The following ST18 variants were observed in gnomAD, a reference collection of about 807,000 sequenced individuals.
ST18 encodes the protein suppression of tumorigenicity 18 protein.
Under a neutral mutation model 110.0 loss-of-function variants are expected in ST18, and 50 were observed. The ratio of observed to expected loss-of-function variants is 0.45; its 90% CI spans 0.36 to 0.58. ST18 has a LOEUF of 0.58. Ranked by LOEUF, ST18 falls within the 20% of genes least tolerant of loss-of-function variation. The probability of loss-of-function intolerance (pLI) is 0.00; values close to 1 mark genes in which losing one functional copy is unlikely to be tolerated. For missense variants in ST18, 1,306 were observed against 1,280.1 expected, an observed-to-expected ratio of 1.02 and a Z score of -0.31; for synonymous variants, 461 against 452.4, an observed-to-expected ratio of 1.02 and a Z score of -0.24.
At chr8:52,323,824 A>G (rs1008780618) in intron 2 of ST18, among the ~76,000 whole-genome samples, 2 of 152,118 alleles carry the variant, frequency 1.3e-5, no homozygotes, top group African/African-American at 2.4e-5. Flanking sequence ...TCACTTTTCC[A>G]AACAGAGAAT....
chr8:52,406,649 T>G (rs1844619139), intron 2 of ST18: 1 of 152,260 alleles, frequency 6.6e-6, no homozygotes, highest in African/African-American at 2.4e-5. Flanking sequence ...AACATCCAAG[T>G]GGATCCTTTT....
At chr8:52,162,200 G>A (rs2061641115) in intron 13 of ST18, among the ~76,000 whole-genome samples, 1 of 152,088 alleles carries the variant, frequency 6.6e-6, no homozygotes, top group African/African-American at 2.4e-5. Flanking sequence ...GACAGAGCAA[G>A]ACTCCATCTC....
chr8:52,356,215 A>G (rs945856616), intron 2 of ST18, among the ~76,000 whole-genome samples: 1 of 152,172 alleles, frequency 6.6e-6, no homozygotes, highest in Non-Finnish European at 1.5e-5. Flanking sequence ...GGAGTTGTAA[A>G]CAGCCTGGCT....
intron 2 of ST18, among the ~76,000 whole-genome samples, chr8:52,329,221 G>GTA (rs1336562699): frequency 1.1e-5 from 1 of 92,546 alleles, no homozygotes; most frequent in Non-Finnish European, 2.1e-5. Flanking sequence ...ATGTATTTAT[G>GTA]TGTGTGTGTG....
intron 2 of ST18, among the ~76,000 whole-genome samples, chr8:52,362,239 A>G (rs1223189023): frequency 6.6e-6 from 1 of 152,220 alleles, no homozygotes; most frequent in Admixed American, 6.5e-5. Flanking sequence ...TTATATTGGT[A>G]TGAAAGGTAC....
At chr8:52,290,081 G>A (rs1252728308) in intron 2 of ST18, among the ~76,000 whole-genome samples, 3 of 152,076 alleles carry the variant, frequency 2.0e-5, no homozygotes, top group Non-Finnish European at 4.4e-5. Context: ...GTACAACTCT[G>A]GTGGATCCAT....
chr8:52,149,630 T>A, intron 16 of ST18, 102 bp downstream of exon 16: 1 of 1,437,452 alleles, frequency 7.0e-7, no homozygotes. Flanking sequence ...GAATTATGTA[T>A]TATCTAAACA....
chr8:52,406,675 C>T (rs1039356444), intron 2 of ST18: 2 of 152,252 alleles, frequency 1.3e-5, no homozygotes, highest in African/African-American at 4.8e-5. Flanking sequence ...ATCCATTCCT[C>T]TCTTCACCAA....
intron 2 of ST18, among the ~76,000 whole-genome samples, chr8:52,387,149 T>C (rs544940397): frequency 6.6e-6 from 1 of 152,248 alleles, no homozygotes; most frequent in Admixed American, 6.5e-5. Context: ...CTATCCCTCC[T>C]TTCCTTCCTT....
intron 2 of ST18, among the ~76,000 whole-genome samples, chr8:52,246,240 C>A (rs1362855123): frequency 1.3e-5 from 2 of 151,678 alleles, no homozygotes; most frequent in East Asian, 3.9e-4. Flanking sequence ...ATTATAATGT[C>A]CTTAAAAAGG....
chr8:52,233,398 T>C (rs1466255057), intron 2 of ST18, among the ~76,000 whole-genome samples: 1 of 152,058 alleles, frequency 6.6e-6, no homozygotes, highest in Admixed American at 6.6e-5. Flanking sequence ...CTGATGAGCT[T>C]GACAAAAACT....
intron 22 of ST18, among the ~76,000 whole-genome samples, chr8:52,129,368 C>T (rs1452025383): frequency 3.4e-5 from 5 of 148,326 alleles, no homozygotes; most frequent in East Asian, 2.0e-4. Context: ...GCAGAAAAAT[C>T]GCTTGAACCT....
intron 2 of ST18, among the ~76,000 whole-genome samples, chr8:52,291,287 G>C (rs1564426651): frequency 6.6e-6 from 1 of 152,208 alleles, no homozygotes. Context: ...CTGTTTCTGA[G>C]CTGCGCCCAC....
At chr8:52,177,164 T>C (rs1334682834) in intron 9 of ST18, among the ~76,000 whole-genome samples, 1 of 152,180 alleles carries the variant, frequency 6.6e-6, no homozygotes, top group East Asian at 1.9e-4. Flanking sequence ...CCTGTGCTTA[T>C]CACTCTTCCT....
chr8:52,178,319 A>G (rs2067710726), intron 9 of ST18, among the ~76,000 whole-genome samples: 2 of 152,040 alleles, frequency 1.3e-5, no homozygotes, highest in South Asian at 4.2e-4. Context: ...CAACTTGCAA[A>G]TTTTCATGAA....
intron 17 of ST18, 192 bp from the exon 18 acceptor site, chr8:52,137,675 T>A: frequency 1.9e-6 from 1 of 521,188 alleles, no homozygotes; most frequent in Non-Finnish European, 3.4e-6. Flanking sequence ...AAACTAAAAA[T>A]CATAGCATGA....
At chr8:52,199,751 C>A (rs1289821671) in intron 8 of ST18, among the ~76,000 whole-genome samples, 1 of 152,146 alleles carries the variant, frequency 6.6e-6, no homozygotes, top group East Asian at 1.9e-4. Context: ...TCCTATATAT[C>A]CTTGCTCCTT....
chr8:52,149,590 C>T, intron 16 of ST18, 142 bp downstream of exon 16: 20 of 1,215,644 alleles, frequency 1.6e-5, no homozygotes, highest in Non-Finnish European at 2.1e-5. Context: ...TTAAAAATCA[C>T]CACTTTATCA....
chr8:52,388,041 G>A (rs1436909685), intron 2 of ST18, among the ~76,000 whole-genome samples: 1 of 151,818 alleles, frequency 6.6e-6, no homozygotes, highest in Admixed American at 6.6e-5. Flanking sequence ...ATGTTTGCAG[G>A]GGAGAGAGAT....
Sources: gnomAD v4.1 joint callset for allele counts (sites outside exome capture counted in the v4.1 genomes callset) on GRCh38, gnomAD v4.1.1 for gene constraint, MANE v1.5 for transcripts, NCBI Gene and HGNC (gene_info 2026-07-23, HGNC 2026-07-21) for gene names.